ARSG: variants seen among roughly 807,000 people sequenced by gnomAD.
ARSG encodes ASG.
A neutral mutation model predicts 50.5 loss-of-function variants in ARSG; 37 were observed. The observed-to-expected ratio is 0.73, with a 90% CI of 0.56 to 0.96. ARSG has a LOEUF of 0.96. Among genes scored for constraint, ARSG ranks in the 50% least tolerant of loss-of-function variants. The probability of loss-of-function intolerance (pLI) is 0.00; values close to 1 mark genes in which losing one functional copy is unlikely to be tolerated. For missense variants in ARSG, 629 were observed against 675.3 expected (o/e 0.93, Z 0.76); for synonymous variants, 225 against 254.6 (o/e 0.88, Z 1.11).
At chr17:68,317,032 C>G (rs1223364131) in intron 2 of ARSG, among the ~76,000 whole-genome samples, 1 of 152,038 alleles carries the variant, frequency 6.6e-6, no homozygotes, top group Non-Finnish European at 1.5e-5. Context: ...CCAGCGCACA[C>G]GATTCGTTTT....
At chr17:68,274,044 G>A (rs146893283) in intron 1 of ARSG, 21 of 1,614,140 alleles carry the variant, frequency 1.3e-5, no homozygotes, top group African/African-American at 8.0e-5. Context: ...TGTCCGAAAC[G>A]ATTGCTCAGG....
chr17:68,338,297 A>G (rs1425989792), intron 2 of ARSG, among the ~76,000 whole-genome samples: 1 of 152,082 alleles, frequency 6.6e-6, no homozygotes, highest in East Asian at 1.9e-4. Flanking sequence ...TGCCCAAACC[A>G]AATTCATTTT....
chr17:68,285,848 T>C (rs2145169686), intron 1 of ARSG, among the ~76,000 whole-genome samples: 1 of 151,584 alleles, frequency 6.6e-6, no homozygotes, highest in African/African-American at 2.4e-5. Context: ...GCCACCTCCA[T>C]CCCCCAGGTT....
chr17:68,318,324 C>A (rs559616692), intron 2 of ARSG, among the ~76,000 whole-genome samples: 1 of 152,324 alleles, frequency 6.6e-6, no homozygotes, highest in African/African-American at 2.4e-5. Context: ...GCTGGCAGCA[C>A]ATCTCAGACC....
intron 2 of ARSG, among the ~76,000 whole-genome samples, chr17:68,341,883 G>A (rs1005510862): frequency 2.0e-5 from 3 of 151,964 alleles, no homozygotes; most frequent in Non-Finnish European, 4.4e-5. Flanking sequence ...GCAGTGACGC[G>A]ATCTTGGCTC....
chr17:68,264,940 G>A lies in ARSG; in HGVS notation c.-552+5514G>A, dbSNP rs1211130398. 2.0e-5 allele frequency among the ~76,000 whole-genome samples: 3 copies of A among 151,612 alleles called. No homozygotes were observed. The East Asian group carries it at 6.0e-4, about 30-fold the overall frequency. On this transcript the variant is annotated intron_variant, in intron 1 of 11. Transcript: ENST00000448504. ...AGGCCGAGGTGGGTGGATCACCTGA[G>A]ATCAGGAGTTTGAGACCAGCCTGGC...
At chr17:68,417,911 T>C (rs2082495876) in intron 11 of ARSG, among the ~76,000 whole-genome samples, 1 of 151,894 alleles carries the variant, frequency 6.6e-6, no homozygotes, top group African/African-American at 2.4e-5. Context: ...TTTATATTTT[T>C]AGTAGAGACG....
chr17:68,281,138 A>T (rs2075682155), intron 1 of ARSG, among the ~76,000 whole-genome samples: 1 of 151,926 alleles, frequency 6.6e-6, no homozygotes, highest in Non-Finnish European at 1.5e-5. Context: ...AAAAAAAAAA[A>T]AAAGAATGAA....
upstream of ARSG, among the ~76,000 whole-genome samples, chr17:68,287,985 CCTTT>C (rs1176929482): frequency 4.7e-5 from 7 of 150,182 alleles, no homozygotes; most frequent in East Asian, 1.9e-4. Flanking sequence ...CTCCCTCCCT[CCTTT>C]CTTTTTTTTT....
chr17:68,280,179 C>CAA (rs58937538), intron 1 of ARSG, among the ~76,000 whole-genome samples: 1,463 of 87,248 alleles, frequency 0.017, 40 homozygotes, highest in African/African-American at 0.043. Context: ...AACTCTGTCT[C>CAA]AAAAAAAAAA....
intron 2 of ARSG, among the ~76,000 whole-genome samples, chr17:68,328,856 GGTCTTA>G (rs147770240): frequency 0.052 from 7,872 of 152,176 alleles, 418 homozygotes; most frequent in African/African-American, 0.13. Context: ...GGAAGAAACA[GGTCTTA>G]CGAGGTAGAG....
At chr17:68,421,705 C>T (rs1024250767), downstream of ARSG, 17 of 1,608,452 alleles carry the variant, frequency 1.1e-5, no homozygotes, top group African/African-American at 1.6e-4. Flanking sequence ...TCCATTCTTC[C>T]GCCTTCCTTG....
At chr17:68,341,228 G>T (rs563124199) in intron 2 of ARSG, among the ~76,000 whole-genome samples, 2 of 152,040 alleles carry the variant, frequency 1.3e-5, no homozygotes, top group Non-Finnish European at 2.9e-5. Context: ...TTATATGATT[G>T]GATTTATTTG....
chr17:68,272,783 CA>C, intron 1 of ARSG: 1 of 1,612,580 alleles, frequency 6.2e-7, no homozygotes, highest in Non-Finnish European at 8.5e-7. Flanking sequence ...AAAGAAAAGT[CA>C]AAAAAGCCAA....
chr17:68,329,811 C>A (rs796209955), intron 2 of ARSG, among the ~76,000 whole-genome samples: 1 of 152,066 alleles, frequency 6.6e-6, no homozygotes, highest in Non-Finnish European at 1.5e-5. Flanking sequence ...AACTGATAAG[C>A]TAAAAAAAAT....
intron 1 of ARSG, chr17:68,268,925 A>G: frequency 6.8e-7 from 1 of 1,464,732 alleles, no homozygotes; most frequent in Admixed American, 2.4e-5. Flanking sequence ...TTAAAACAAA[A>G]CAAAACAAAA....
At chr17:68,412,953 C>T (rs1356945728) in intron 11 of ARSG, among the ~76,000 whole-genome samples, 1 of 152,104 alleles carries the variant, frequency 6.6e-6, no homozygotes, top group Non-Finnish European at 1.5e-5. Context: ...AGTTCTCAAG[C>T]CTTGGTTTTC....
At chr17:68,446,748 G>A in the ARSG span, among the ~76,000 whole-genome samples, 1 of 152,164 alleles carries the variant, frequency 6.6e-6, no homozygotes, top group Non-Finnish European at 1.5e-5. Flanking sequence ...GCGGGGCCTT[G>A]ACATATGCCT....
At chr17:68,388,784 G>A (rs1332724431) in intron 9 of ARSG, among the ~76,000 whole-genome samples, 1 of 151,968 alleles carries the variant, frequency 6.6e-6, no homozygotes, top group Admixed American at 6.6e-5. Flanking sequence ...AATTAGCCGG[G>A]CGTGGTGGCG....
Sources: allele counts gnomAD v4.1 joint callset (sites outside exome capture counted in the v4.1 genomes callset), GRCh38; gene constraint gnomAD v4.1.1; transcripts MANE v1.5; gene names NCBI Gene and HGNC (gene_info 2026-07-23, HGNC 2026-07-21).